The following GABRG1 variants were observed in gnomAD, a reference collection of about 807,000 sequenced individuals.
The protein encoded by GABRG1 is gamma-aminobutyric acid receptor subunit gamma-1.
A neutral mutation model predicts 49.8 loss-of-function variants in GABRG1; 49 were observed. The observed-to-expected ratio is 0.98, with a 90% CI of 0.78 to 1.25. The LOEUF (loss-of-function observed/expected upper bound fraction) is 1.25, where lower values mean the gene tolerates loss of function less well. GABRG1 is among the 50% of genes most tolerant of loss of function. The pLI is 0.00. For synonymous variants in GABRG1, 232 were observed against 185.1 expected (o/e 1.25, Z -2.06); for missense variants, 552 against 552.3 (o/e 1.00, Z 0.01).
At chr4:46,059,806 C>T (rs1255930290) in intron 5 of GABRG1, among the ~76,000 whole-genome samples, 3 of 152,188 alleles carry the variant, frequency 2.0e-5, no homozygotes, top group South Asian at 2.1e-4. Flanking sequence ...CATTTTTACT[C>T]GTCCATGAAG....
chr4:46,102,379 G>C (rs1720411135), intron 1 of GABRG1, among the ~76,000 whole-genome samples: 1 of 151,666 alleles, frequency 6.6e-6, no homozygotes, highest in South Asian at 2.1e-4. Flanking sequence ...AGGGCAATTT[G>C]TGTTGGAGGA....
intron 4 of GABRG1, among the ~76,000 whole-genome samples, chr4:46,065,004 A>G (rs1186747454): frequency 1.3e-5 from 2 of 152,132 alleles, no homozygotes; most frequent in African/African-American, 4.8e-5. Flanking sequence ...GGGATGTTTT[A>G]CTACACCATT....
chr4:46,050,635 ACAG>A (rs1718177982), intron 8 of GABRG1, among the ~76,000 whole-genome samples: 2 of 151,964 alleles, frequency 1.3e-5, no homozygotes, highest in Non-Finnish European at 2.9e-5. Flanking sequence ...CCCTGTGAGA[ACAG>A]GATATATAAA....
chr4:46,090,955 T>TACACACACACAC (rs61288916), intron 2 of GABRG1, among the ~76,000 whole-genome samples: 2 of 131,064 alleles, frequency 1.5e-5, no homozygotes, highest in Non-Finnish European at 3.3e-5. Context: ...CACACACACA[T>TACACACACACAC]ACACACACAC....
intron 3 of GABRG1, among the ~76,000 whole-genome samples, chr4:46,075,679 C>CA (rs909997035): frequency 7.0e-4 from 107 of 151,886 alleles, no homozygotes; most frequent in African/African-American, 2.5e-3. Context: ...TAAATATCTA[C>CA]AAAAAATTTA....
chr4:46,044,666 C>G (rs1717919240), intron 8 of GABRG1, among the ~76,000 whole-genome samples: 1 of 152,198 alleles, frequency 6.6e-6, no homozygotes, highest in East Asian at 1.9e-4. Flanking sequence ...GTGGAATCTA[C>G]TCTTCCACTC....
intron 2 of GABRG1, among the ~76,000 whole-genome samples, chr4:46,087,969 T>G: frequency 6.6e-6 from 1 of 152,170 alleles, no homozygotes; most frequent in Middle Eastern, 3.4e-3. Context: ...TAAATAGAAA[T>G]TAATTGCATT....
intron 1 of GABRG1, among the ~76,000 whole-genome samples, chr4:46,119,241 A>G (rs1268054034): frequency 6.6e-6 from 1 of 151,346 alleles, no homozygotes; most frequent in Non-Finnish European, 1.5e-5. Flanking sequence ...GATTTTATCA[A>G]TGAACTCATA....
chr4:46,091,167 C>A (rs949029603), intron 2 of GABRG1, among the ~76,000 whole-genome samples: 2 of 152,002 alleles, frequency 1.3e-5, no homozygotes, highest in African/African-American at 4.8e-5. Flanking sequence ...GAGAGAGGAT[C>A]CTGGTACAAA....
intron 5 of GABRG1, among the ~76,000 whole-genome samples, chr4:46,062,802 T>C (rs1367705727): frequency 1.3e-5 from 2 of 152,170 alleles, no homozygotes; most frequent in African/African-American, 4.8e-5. Context: ...CTTAAGCTGA[T>C]AAGCAAATTC....
At chr4:46,070,594 C>A (rs566243828) in intron 3 of GABRG1, among the ~76,000 whole-genome samples, 2 of 151,682 alleles carry the variant, frequency 1.3e-5, no homozygotes, top group Non-Finnish European at 2.9e-5. Context: ...ACACAGCCAA[C>A]GGGATAAATA....
At chr4:46,081,779 T>C (rs1476226837) in intron 3 of GABRG1, among the ~76,000 whole-genome samples, 1 of 151,754 alleles carries the variant, frequency 6.6e-6, no homozygotes, top group Non-Finnish European at 1.5e-5. Flanking sequence ...AAAGTCAACA[T>C]GCGGCTTTTA....
chr4:46,077,482 T>C (rs1485949507), intron 3 of GABRG1, among the ~76,000 whole-genome samples: 1 of 152,030 alleles, frequency 6.6e-6, no homozygotes, highest in Non-Finnish European at 1.5e-5. Flanking sequence ...TTCTTCTATC[T>C]AAATTAAATT....
intron 4 of GABRG1, among the ~76,000 whole-genome samples, chr4:46,064,968 A>G (rs1276133070): frequency 6.6e-6 from 1 of 152,174 alleles, no homozygotes; most frequent in African/African-American, 2.4e-5. Context: ...AACCTTATAC[A>G]TCAACCTTCA....
chr4:46,062,358 C>A (rs1338014718), intron 5 of GABRG1, among the ~76,000 whole-genome samples: 6 of 151,980 alleles, frequency 3.9e-5, no homozygotes, highest in Non-Finnish European at 8.8e-5. Flanking sequence ...GTCTTTATAG[C>A]AGCATGATCT....
chr4:46,044,210 C>A (rs1173206600), intron 8 of GABRG1, among the ~76,000 whole-genome samples: 1 of 152,188 alleles, frequency 6.6e-6, no homozygotes, highest in Middle Eastern at 3.4e-3. Context: ...CGTTGGCTCA[C>A]ACCTGTAATC....
chr4:46,076,399 A>ATATATATGC (rs1719333473), intron 3 of GABRG1, among the ~76,000 whole-genome samples: 1 of 142,090 alleles, frequency 7.0e-6, no homozygotes, highest in Non-Finnish European at 1.5e-5. Context: ...ATATATATAT[A>ATATATATGC]TATATGCTAA....
chr4:46,085,067 C>T (rs1719704507), intron 2 of GABRG1, among the ~76,000 whole-genome samples: 1 of 151,456 alleles, frequency 6.6e-6, no homozygotes, highest in African/African-American at 2.4e-5. Flanking sequence ...AAACAATATA[C>T]CATTCTTATA....
At chr4:46,084,074 G>A in intron 2 of GABRG1, 21 bp from the exon 3 acceptor site, 1 of 1,431,474 alleles carries the variant, frequency 7.0e-7, no homozygotes, top group Middle Eastern at 1.7e-4. Flanking sequence ...TCAACAAAAA[G>A]AAAGGTCAAA....
Sources: gnomAD v4.1 joint callset for allele counts (sites outside exome capture counted in the v4.1 genomes callset) on GRCh38, gnomAD v4.1.1 for gene constraint, MANE v1.5 for transcripts, NCBI Gene and HGNC (gene_info 2026-07-23, HGNC 2026-07-21) for gene names.